The following PRKG1 variants were observed in gnomAD, a reference collection of about 807,000 sequenced individuals.
PRKG1 encodes the protein cGMP-dependent protein kinase 1.
A neutral mutation model predicts 88.1 loss-of-function variants in PRKG1; 35 were observed. That is an observed-to-expected ratio of 0.40 (90% confidence interval 0.30 to 0.53). The LOEUF is 0.53. PRKG1 is among the 20% of genes least tolerant of loss of function. The pLI, the probability that PRKG1 is intolerant of heterozygous loss-of-function variation, is 0.59. For synonymous variants in PRKG1, 303 were observed against 292.5 expected (o/e 1.04, Z -0.37); for missense variants, 540 against 839.8 (o/e 0.64, Z 4.41).
intron 2 of PRKG1, among the ~76,000 whole-genome samples, chr10:51,336,446 T>C (rs939969509): frequency 2.0e-5 from 3 of 152,210 alleles, no homozygotes; most frequent in African/African-American, 2.4e-5. Context: ...AAGAAGAGAA[T>C]GACTAGCTTG....
intron 1 of PRKG1, among the ~76,000 whole-genome samples, chr10:51,020,929 A>C (rs1014595717): frequency 6.6e-6 from 1 of 152,232 alleles, no homozygotes; most frequent in Non-Finnish European, 1.5e-5. Context: ...GAGATATGTT[A>C]GTAAGACCAT....
chr10:51,422,569 C>A (rs1160913830), intron 2 of PRKG1, among the ~76,000 whole-genome samples: 4 of 152,182 alleles, frequency 2.6e-5, no homozygotes, highest in Non-Finnish European at 4.4e-5. Flanking sequence ...ACTTTGTCAG[C>A]TCCAACTTCA....
chr10:51,763,196 T>C (rs1457894255), intron 3 of PRKG1, among the ~76,000 whole-genome samples: 2 of 152,144 alleles, frequency 1.3e-5, no homozygotes, highest in Non-Finnish European at 2.9e-5. Context: ...CATGTACTTG[T>C]AAGGATGTTA....
chr10:51,427,562 A>T (rs1838626379), intron 2 of PRKG1, among the ~76,000 whole-genome samples: 1 of 152,204 alleles, frequency 6.6e-6, no homozygotes. Flanking sequence ...GGCTCAGGCC[A>T]CAACTGGTTG....
chr10:51,211,028 A>G (rs1267458784), intron 2 of PRKG1, among the ~76,000 whole-genome samples: 1 of 152,220 alleles, frequency 6.6e-6, no homozygotes, highest in Non-Finnish European at 1.5e-5. Context: ...AGAATTTTAG[A>G]CCAATATCCT....
intron 4 of PRKG1, among the ~76,000 whole-genome samples, chr10:51,835,546 C>A (rs1002696969): frequency 6.6e-6 from 1 of 152,144 alleles, no homozygotes; most frequent in African/African-American, 2.4e-5. Context: ...ATAAAGTAAT[C>A]CAGAATGAAA....
chr10:52,112,377 G>C (rs1019559815), intron 7 of PRKG1, among the ~76,000 whole-genome samples: 1 of 151,636 alleles, frequency 6.6e-6, no homozygotes, highest in Non-Finnish European at 1.5e-5. Flanking sequence ...TAGCATATAC[G>C]TTAATAGTTA....
chr10:52,233,453 G>A (rs1840578866), intron 9 of PRKG1, among the ~76,000 whole-genome samples: 1 of 147,958 alleles, frequency 6.8e-6, no homozygotes, highest in Non-Finnish European at 1.5e-5. Context: ...GCCAGTGGGT[G>A]CGTGCACCGT....
At chr10:51,922,868 C>G (rs931934283) in intron 5 of PRKG1, among the ~76,000 whole-genome samples, 1 of 151,850 alleles carries the variant, frequency 6.6e-6, no homozygotes, top group African/African-American at 2.4e-5. Context: ...GTGTATTCTG[C>G]TATTGTTGGA....
chr10:52,256,092 C>A (rs565468758), intron 10 of PRKG1, among the ~76,000 whole-genome samples: 2 of 139,574 alleles, frequency 1.4e-5, no homozygotes, highest in African/African-American at 4.9e-5. Context: ...TAACTAGAAG[C>A]TTTTTCTGCC....
chr10:51,692,914 A>AT (rs749053762), intron 3 of PRKG1, among the ~76,000 whole-genome samples: 2 of 151,964 alleles, frequency 1.3e-5, no homozygotes, highest in Non-Finnish European at 2.9e-5. Context: ...CGTACTTTTT[A>AT]TTTTTTTATT....
chr10:51,434,836 T>C (rs1342050738), intron 2 of PRKG1, among the ~76,000 whole-genome samples: 1 of 152,118 alleles, frequency 6.6e-6, no homozygotes, highest in Non-Finnish European at 1.5e-5. Context: ...CTCTTACCTG[T>C]GTGAGCAGAC....
At chr10:51,886,964 C>T (rs550237562) in intron 4 of PRKG1, among the ~76,000 whole-genome samples, 1 of 148,374 alleles carries the variant, frequency 6.7e-6, no homozygotes, top group African/African-American at 2.5e-5. Flanking sequence ...TGCAGATACA[C>T]AGAGCCAAAT....
At chr10:51,115,836 G>GAAA (rs548541486) in intron 1 of PRKG1, among the ~76,000 whole-genome samples, 1 of 131,290 alleles carries the variant, frequency 7.6e-6, no homozygotes. Context: ...ACTCCATCTC[G>GAAA]AAAAAAAAAA....
At chr10:51,983,345 G>A (rs1413461547) in intron 5 of PRKG1, among the ~76,000 whole-genome samples, 3 of 152,158 alleles carry the variant, frequency 2.0e-5, no homozygotes. Context: ...CCATGGGGAG[G>A]GAACCGGTGG....
intron 5 of PRKG1, among the ~76,000 whole-genome samples, chr10:51,946,775 G>T (rs1338378447): frequency 1.3e-5 from 2 of 152,042 alleles, no homozygotes; most frequent in South Asian, 4.1e-4. Context: ...CAGAAGAGCG[G>T]ATTTTCATGA....
chr10:51,132,730 A>AAT (rs1038438952), intron 1 of PRKG1, among the ~76,000 whole-genome samples: 2 of 147,776 alleles, frequency 1.4e-5, no homozygotes, highest in Admixed American at 1.4e-4. Flanking sequence ...TTATATATGT[A>AAT]ATATAATATA....
intron 4 of PRKG1, among the ~76,000 whole-genome samples, chr10:51,822,622 T>C (rs1481109757): frequency 2.0e-5 from 3 of 152,154 alleles, no homozygotes; most frequent in African/African-American, 7.2e-5. Flanking sequence ...GGATTGATAA[T>C]GTTCTGTGTC....
intron 5 of PRKG1, among the ~76,000 whole-genome samples, chr10:52,037,979 A>G (rs904873250): frequency 3.3e-5 from 5 of 152,160 alleles, no homozygotes; most frequent in Non-Finnish European, 5.9e-5. Context: ...ACTGATGTGT[A>G]AAAGAATGCC....
Sources: gnomAD v4.1 joint callset for allele counts (sites outside exome capture counted in the v4.1 genomes callset) on GRCh38, gnomAD v4.1.1 for gene constraint, MANE v1.5 for transcripts, NCBI Gene and HGNC (gene_info 2026-07-23, HGNC 2026-07-21) for gene names.